The following PTBP3 variants were observed in gnomAD, a reference collection of about 807,000 sequenced individuals.
PTBP3 encodes polypyrimidine tract binding protein 3.
Under a neutral mutation model 58.7 loss-of-function variants are expected in PTBP3, and 20 were observed. That is an observed-to-expected ratio of 0.34 (90% CI 0.24 to 0.50). The LOEUF (loss-of-function observed/expected upper bound fraction) is 0.50. Among genes scored for constraint, PTBP3 ranks in the 20% least tolerant of loss-of-function variants. The probability of loss-of-function intolerance (pLI) is 0.98; values close to 1 mark genes in which losing one functional copy is unlikely to be tolerated. For missense variants in PTBP3, 509 were observed against 637.2 expected (o/e 0.80, Z 2.17); for synonymous variants, 185 against 219.8 (o/e 0.84, Z 1.40).
intron 7 of PTBP3, among the ~76,000 whole-genome samples, chr9:112,245,173 T>C (rs1022852262): frequency 1.3e-5 from 2 of 152,078 alleles, no homozygotes; most frequent in Non-Finnish European, 2.9e-5. Context: ...TAGCCGGGTG[T>C]AGTGGTGCAC....
At chr9:112,335,572 C>G (rs1225933947), upstream of PTBP3, among the ~76,000 whole-genome samples, 1 of 148,230 alleles carries the variant, frequency 6.7e-6, no homozygotes, top group African/African-American at 2.5e-5. Context: ...GTGTGAGCCA[C>G]CGCACCCAGC....
At chr9:112,243,274 C>T (rs1589814406) in intron 7 of PTBP3, among the ~76,000 whole-genome samples, 1 of 151,266 alleles carries the variant, frequency 6.6e-6, no homozygotes, top group East Asian at 2.0e-4. Context: ...GGCGAGGTGG[C>T]TCACGTCTGT....
At chr9:112,311,943 T>A (rs768186159) in intron 1 of PTBP3, among the ~76,000 whole-genome samples, 2 of 152,092 alleles carry the variant, frequency 1.3e-5, no homozygotes, top group Non-Finnish European at 2.9e-5. Context: ...CTGGGCAACA[T>A]AGTGAAATCC....
At chr9:112,249,788 T>C (rs1367928712) in intron 7 of PTBP3, among the ~76,000 whole-genome samples, 1 of 151,360 alleles carries the variant, frequency 6.6e-6, no homozygotes, top group East Asian at 1.9e-4. Context: ...TTAAATTTGA[T>C]AGCTGAGTTT....
chr9:112,317,106 C>T (rs1829738912), intron 1 of PTBP3, among the ~76,000 whole-genome samples: 1 of 151,750 alleles, frequency 6.6e-6, no homozygotes, highest in Non-Finnish European at 1.5e-5. Flanking sequence ...ATGACAAAAC[C>T]CCATCTCTAC....
chr9:112,376,281 G>A, the PTBP3 span, among the ~76,000 whole-genome samples: 2 of 116,492 alleles, frequency 1.7e-5, no homozygotes, highest in Non-Finnish European at 3.4e-5. Flanking sequence ...TTGAGAAAGA[G>A]TCTCGGTCTG....
chr9:112,263,787 T>C (rs1197444882), intron 4 of PTBP3, among the ~76,000 whole-genome samples: 1 of 152,154 alleles, frequency 6.6e-6, no homozygotes, highest in Non-Finnish European at 1.5e-5. Flanking sequence ...GATAGAAGAA[T>C]GTTCTTGTTT....
chr9:112,302,381 T>A (rs1042707541), intron 1 of PTBP3, among the ~76,000 whole-genome samples: 4 of 151,804 alleles, frequency 2.6e-5, no homozygotes, highest in African/African-American at 9.7e-5. Flanking sequence ...CTTTCTACCA[T>A]CCAAACAAGT....
chr9:112,225,382 T>G (rs1376797150), intron 12 of PTBP3, among the ~76,000 whole-genome samples: 1 of 152,138 alleles, frequency 6.6e-6, no homozygotes, highest in Non-Finnish European at 1.5e-5. Flanking sequence ...CAACATAGAA[T>G]AGTGGATACC....
the PTBP3 span, among the ~76,000 whole-genome samples, chr9:112,358,036 G>T: frequency 6.6e-6 from 1 of 152,096 alleles, no homozygotes; most frequent in Non-Finnish European, 1.5e-5. Context: ...GGCCAGGCGC[G>T]GTGGCTCATG....
At chr9:112,304,330 TTTG>T (rs1258711385) in intron 1 of PTBP3, among the ~76,000 whole-genome samples, 1 of 152,188 alleles carries the variant, frequency 6.6e-6, no homozygotes, top group Admixed American at 6.5e-5. Flanking sequence ...TGTGATGAGA[TTTG>T]TTTAGAGAAA....
chr9:112,311,108 A>G lies in PTBP3; in HGVS notation c.-51-13192T>C, dbSNP rs77041505. 8.6e-3 allele frequency among the ~76,000 whole-genome samples: 1,312 copies of G among 152,302 alleles called. 23 individuals are homozygous for G. The highest frequency in any genetic ancestry group is 0.03 in the African/African-American group (1,251 of 41,566). On this transcript the variant is annotated intron_variant, in intron 1 of 13. Coordinates refer to ENST00000374257, the MANE Select transcript of PTBP3 (RefSeq NM_001163788.4). ...TGCTGTGTTAAGAACAGTCTTTAACAAGACAAAGAGGGAAGGACTCTGGTT... is the reference window on the plus strand; with the variant it reads ...TGCTGTGTTAAGAACAGTCTTTAACGAGACAAAGAGGGAAGGACTCTGGTT...
chr9:112,351,824 T>C, the PTBP3 span, among the ~76,000 whole-genome samples: 1 of 152,130 alleles, frequency 6.6e-6, no homozygotes, highest in African/African-American at 2.4e-5. Flanking sequence ...CTCATCAATG[T>C]GGGGGTTTTT....
intron 2 of PTBP3, among the ~76,000 whole-genome samples, chr9:112,290,546 C>T (rs1828348016): frequency 6.6e-6 from 1 of 151,468 alleles, no homozygotes; most frequent in Admixed American, 6.6e-5. Context: ...GTGGCACGTG[C>T]CTGTAATCCC....
At position 112,268,712 on chromosome 9, in the gene PTBP3, C is replaced by CA. The variant is rs56196327; in HGVS notation, c.205-518dup. On this transcript the variant is annotated intron_variant, in intron 3 of 13. Transcript: ENST00000374257. Reference sequence around the variant, plus strand: ...GGGTAACAGGAGTAAGACACCGTCTCAAAAAAAAAAAAAAAAAAAAAAAGG... The same window carrying CA: ...GGGTAACAGGAGTAAGACACCGTCTCAAAAAAAAAAAAAAAAAAAAAAAAGG... 4.6e-3 allele frequency among the ~76,000 whole-genome samples: 429 copies of CA among 93,732 alleles called. 4 individuals are homozygous for CA. Among genetic ancestry groups the CA allele is most frequent in the Non-Finnish European group, 7.4e-3 (334 of 44,966 alleles). The allele number at this position is 93,732 out of a possible 152,430, so 61.5% of individuals were successfully genotyped here. A position where few individuals can be genotyped will look rare whatever the true frequency, so the allele number is the denominator to read the frequency against.
chr9:112,307,383 G>A, intron 1 of PTBP3, among the ~76,000 whole-genome samples: 1 of 152,084 alleles, frequency 6.6e-6, no homozygotes. Context: ...GAGCCAGGAG[G>A]TCGAGGTTCT....
intron 1 of PTBP3, among the ~76,000 whole-genome samples, chr9:112,328,737 C>G (rs531779148): frequency 7.9e-5 from 12 of 152,226 alleles, no homozygotes; most frequent in Admixed American, 7.2e-4. Context: ...CTGCAACGAA[C>G]TATGATCATG....
At chr9:112,264,113 G>C (rs1198154521) in intron 4 of PTBP3, among the ~76,000 whole-genome samples, 2 of 152,228 alleles carry the variant, frequency 1.3e-5, no homozygotes, top group Admixed American at 6.5e-5. Context: ...AATAGCAGTA[G>C]TATGATCAGG....
chr9:112,274,460 CA>C (rs1827521843), intron 3 of PTBP3, among the ~76,000 whole-genome samples: 1 of 152,022 alleles, frequency 6.6e-6, no homozygotes, highest in African/African-American at 2.4e-5. Flanking sequence ...TTAGGACAGC[CA>C]AAAACTTGCA....
Sources: gnomAD v4.1 joint callset for allele counts (sites outside exome capture counted in the v4.1 genomes callset) on GRCh38, gnomAD v4.1.1 for gene constraint, MANE v1.5 for transcripts, NCBI Gene and HGNC (gene_info 2026-07-23, HGNC 2026-07-21) for gene names.